Variants in FOCAD observed in about 807,000 individuals in gnomAD.
The protein encoded by FOCAD is KIAA1797.
Under a neutral mutation model 225.6 loss-of-function variants are expected in FOCAD, and 198 were observed. The observed-to-expected ratio is 0.88, with a 90% confidence interval of 0.78 to 0.99. The LOEUF (loss-of-function observed/expected upper bound fraction) is 0.99. Ranked by LOEUF, FOCAD falls within the 50% of genes least tolerant of loss-of-function variation. FOCAD has a pLI of 0.00. For synonymous variants in FOCAD, 897 were observed against 755.0 expected, an observed-to-expected ratio of 1.19 and a Z score of -3.08; for missense variants, 2,713 against 2,123.6, an observed-to-expected ratio of 1.28 and a Z score of -5.46.
chr9:20,806,715 A>G (rs534055992), intron 11 of FOCAD, among the ~76,000 whole-genome samples: 58 of 152,058 alleles, frequency 3.8e-4, no homozygotes, highest in Non-Finnish European at 7.8e-4. Flanking sequence ...AAATTCAAGC[A>G]TTTTCTGTTA....
intron 42 of FOCAD, among the ~76,000 whole-genome samples, chr9:20,991,999 GA>G (rs1841716238): frequency 1.3e-5 from 2 of 152,040 alleles, no homozygotes; most frequent in Admixed American, 6.6e-5. Flanking sequence ...AATCAACAAA[GA>G]AAAAAATTTT....
At chr9:20,722,210 G>T (rs1825845132) in intron 4 of FOCAD, among the ~76,000 whole-genome samples, 1 of 151,422 alleles carries the variant, frequency 6.6e-6, no homozygotes, top group Non-Finnish European at 1.5e-5. Context: ...GCCTGGCTTG[G>T]TTTTTCTTTT....
rs772302920 is a variant in FOCAD, at chr9:20,981,702, A to G, written c.4638+16A>G. The G allele has an allele frequency of 6.3e-7, 1 of 1,596,458 alleles. No homozygotes were observed. The highest frequency in any genetic ancestry group is 8.5e-7 in the Non-Finnish European group (1 of 1,170,970). ...TAAGATTCGGGTGAGGAACAAAAAT[A>G]TTTACATTCCTGACAATTTATGTTT... is the stretch of plus-strand genomic sequence containing the variant. On this transcript the variant is annotated intron_variant, in intron 38 of 43. Coordinates refer to ENST00000338382, the MANE Select transcript of FOCAD (RefSeq NM_001375567.1).
At chr9:20,859,444 A>AT (rs1828552223) in intron 15 of FOCAD, among the ~76,000 whole-genome samples, 1 of 150,652 alleles carries the variant, frequency 6.6e-6, no homozygotes, top group East Asian at 1.9e-4. Context: ...GGTAGTCTGT[A>AT]TTTTTTCCCT....
intron 42 of FOCAD, among the ~76,000 whole-genome samples, chr9:20,991,253 C>G (rs1841646544): frequency 6.6e-6 from 1 of 152,152 alleles, no homozygotes; most frequent in Non-Finnish European, 1.5e-5. Context: ...TCTGACCTGT[C>G]CTTAATACAG....
chr9:20,721,635 GA>G (rs1018745547), intron 4 of FOCAD, among the ~76,000 whole-genome samples: 19 of 152,124 alleles, frequency 1.2e-4, no homozygotes, highest in African/African-American at 4.3e-4. Flanking sequence ...CCAGGAGGTG[GA>G]GGTTGCAGTG....
At chr9:20,948,230 TTTTTTC>T in intron 30 of FOCAD, 35 bp from the exon 31 acceptor site, 1 of 1,550,724 alleles carries the variant, frequency 6.4e-7, no homozygotes, top group Middle Eastern at 1.7e-4. Flanking sequence ...TGTGTCTTTT[TTTTTTC>T]TTTTTCTTAC....
Position 20,922,009 on chromosome 9 carries a change from A to G in FOCAD, c.2853-1651A>G, listed in dbSNP as rs147763488. On this transcript the variant is annotated intron_variant, in intron 24 of 43. Coordinates refer to ENST00000338382, the MANE Select transcript of FOCAD (RefSeq NM_001375567.1). ...CTGTTTTTAAAACTCACCTTTAGGGATTCATGACCATTTTGCAGTAGGAAA... is the reference window on the plus strand; with the variant it reads ...CTGTTTTTAAAACTCACCTTTAGGGGTTCATGACCATTTTGCAGTAGGAAA... Among the ~76,000 whole-genome samples, 967 of 152,270 alleles carry G rather than the reference A, an allele frequency of 6.4e-3. 5 individuals are homozygous for G. Among genetic ancestry groups the G allele is most frequent in the African/African-American group, 0.022 (906 of 41,552 alleles).
rs1194061410 is a variant in FOCAD, at chr9:20,912,965, A to C, written c.2807+11A>C. 2 of 1,605,664 alleles carry C rather than the reference A, an allele frequency of 1.2e-6. No individual in the cohort carries two copies. Among genetic ancestry groups the C allele is most frequent in the African/African-American group, 2.7e-5 (2 of 74,696 alleles). On this transcript the variant is annotated intron_variant, in intron 23 of 43. Coordinates refer to ENST00000338382, the MANE Select transcript of FOCAD (RefSeq NM_001375567.1). Reference sequence around the variant, plus strand: ...CACAGCCTGGCTCTGGTAAGTGTTCATGTTCAGCTGCCCATTATTTGTCAT... The same window carrying C: ...CACAGCCTGGCTCTGGTAAGTGTTCCTGTTCAGCTGCCCATTATTTGTCAT...
In FOCAD at chr9:20,715,317, T is replaced by A. The variant is rs771595140; in HGVS notation, c.-32-5T>A. 7.0e-7 allele frequency: 1 copy of A among 1,425,096 alleles called. No individual in the cohort carries two copies. The allele number at this position is 1,425,096 out of a possible 1,614,324, so 88.3% of individuals were successfully genotyped here. On this transcript the variant is annotated splice_region_variant and splice_polypyrimidine_tract_variant and intron_variant, in intron 1 of 43. Transcript: ENST00000338382. ...CTAACAAATATTCTTTTGTTTTGGT[T>A]ACAGAAGCTGCACACATACATGTAA...
intron 8 of FOCAD, among the ~76,000 whole-genome samples, chr9:20,773,271 A>G (rs1818416573): frequency 6.6e-6 from 1 of 152,216 alleles, no homozygotes; most frequent in Admixed American, 6.5e-5. Flanking sequence ...CAATTAGTTG[A>G]AAGCAGACAA....
At chr9:20,950,958 C>A in intron 33 of FOCAD, 38 bp from the exon 34 acceptor site, 1 of 1,548,814 alleles carries the variant, frequency 6.5e-7, no homozygotes, top group Non-Finnish European at 8.9e-7. Flanking sequence ...GAACTTGGAT[C>A]TTATCCCATC....
At chr9:20,923,613 T>G in intron 24 of FOCAD, 47 bp from the exon 25 acceptor site, 1 of 1,452,786 alleles carries the variant, frequency 6.9e-7, no homozygotes, top group Non-Finnish European at 9.6e-7. Flanking sequence ...TCTCTTCTTC[T>G]GGTTAATACC....
At chr9:20,819,715 G>GA (rs1354019418) in intron 11 of FOCAD, 81 bp from the exon 12 acceptor site, 4 of 653,856 alleles carry the variant, frequency 6.1e-6, no homozygotes, top group African/African-American at 1.9e-5. Context: ...TATTCCTCTG[G>GA]AAAAAAAGAG....
chr9:20,803,257 A>G (rs1304438397), intron 11 of FOCAD, among the ~76,000 whole-genome samples: 1 of 152,058 alleles, frequency 6.6e-6, no homozygotes, highest in Non-Finnish European at 1.5e-5. Flanking sequence ...TATGAGTGCC[A>G]CCAGTGGCAG....
intron 28 of FOCAD, among the ~76,000 whole-genome samples, chr9:20,940,921 T>C (rs1587676838): frequency 6.6e-6 from 1 of 152,302 alleles, no homozygotes; most frequent in Admixed American, 6.5e-5. Flanking sequence ...ATACTGTGTA[T>C]TTATTTTTTT....
At chr9:20,679,081 T>G (rs1036800398) in intron 2 of FOCAD, among the ~76,000 whole-genome samples, 2 of 149,206 alleles carry the variant, frequency 1.3e-5, no homozygotes, top group African/African-American at 5.0e-5. Flanking sequence ...TGGGCAGGAG[T>G]GTAGAAGACA....
intron 2 of FOCAD, among the ~76,000 whole-genome samples, chr9:20,716,442 T>G (rs1825343397): frequency 6.6e-6 from 1 of 152,172 alleles, no homozygotes; most frequent in African/African-American, 2.4e-5. Context: ...GGGTTTTGTA[T>G]TTTAAAAAAT....
chr9:20,791,793 C>A (rs908822757), intron 11 of FOCAD, among the ~76,000 whole-genome samples: 10 of 152,092 alleles, frequency 6.6e-5, no homozygotes, highest in African/African-American at 2.4e-4. Context: ...TTGTTTCTGC[C>A]ACCAGGTTCA....
Sources: gnomAD v4.1 joint callset for allele counts (sites outside exome capture counted in the v4.1 genomes callset) on GRCh38, gnomAD v4.1.1 for gene constraint, MANE v1.5 for transcripts, NCBI Gene and HGNC (gene_info 2026-07-23, HGNC 2026-07-21) for gene names.